Variants in VAMP7 observed in about 807,000 individuals in gnomAD.
VAMP7 encodes the protein vesicle associated membrane protein 7, also known as vesicle-associated membrane protein 7.
A neutral mutation model predicts 29.6 loss-of-function variants in VAMP7; 14 were observed. The ratio of observed to expected loss-of-function variants is 0.47; its 90% CI spans 0.31 to 0.74. VAMP7 has a LOEUF of 0.74. VAMP7 is among the 30% of genes least tolerant of loss of function. The pLI is 0.05. For missense variants in VAMP7, 223 were observed against 262.4 expected (o/e 0.85, Z 1.04); for synonymous variants, 95 against 88.1 (o/e 1.08, Z -0.44).
chrX:155,908,351 G>A (rs775737890), intron 5 of VAMP7, among the ~76,000 whole-genome samples: 81 of 152,334 alleles, frequency 5.3e-4, no homozygotes, highest in Non-Finnish European at 3.5e-4. Context: ...GCGGTTAGCA[G>A]CTGGAGACCA....
At chrX:155,893,451 T>C (rs2065949046) in intron 2 of VAMP7, among the ~76,000 whole-genome samples, 1 of 152,096 alleles carries the variant, frequency 6.6e-6, no homozygotes, top group African/African-American at 2.4e-5. Context: ...AAAACGTTAG[T>C]GTAGAGGGAA....
intron 3 of VAMP7, 50 bp downstream of exon 3, chrX:155,895,730 C>T (rs1342470982): frequency 7.9e-6 from 12 of 1,523,326 alleles, no homozygotes; most frequent in African/African-American, 1.4e-5. Context: ...ACTGTTAATA[C>T]AGCCAGTTCT....
chrX:155,906,479 A>G (rs1263434742), intron 5 of VAMP7, among the ~76,000 whole-genome samples: 2 of 152,158 alleles, frequency 1.3e-5, no homozygotes, highest in Non-Finnish European at 2.9e-5. Context: ...TAATCTCAAA[A>G]TCTGCCTTAC....
At chrX:155,920,454 ATG>A (rs1409588727) in intron 6 of VAMP7, among the ~76,000 whole-genome samples, 1 of 152,180 alleles carries the variant, frequency 6.6e-6, no homozygotes, top group Non-Finnish European at 1.5e-5. Flanking sequence ...TGACAGATAT[ATG>A]GTGAACAGAA....
chrX:155,939,182 A>G (rs1239729347), intron 6 of VAMP7, among the ~76,000 whole-genome samples: 2 of 152,146 alleles, frequency 1.3e-5, no homozygotes, highest in African/African-American at 2.4e-5. Flanking sequence ...CCTGGTGGGA[A>G]TTGTTCAGTA....
At position 155,901,367 on chromosome X, in the gene VAMP7, T is replaced by G. The variant is rs748827954; in HGVS notation, c.433+780T>G. Among the ~76,000 whole-genome samples the G allele has an allele frequency of 9.9e-5, 15 of 152,198 alleles. 1 individual carries two copies. In the East Asian group the frequency reaches 2.5e-3, roughly 25 times the overall value. ...TACTATTTATTTTTATTCTTTTTTT[T>G]GTCACCAAATGTATTTATTTTGCCC... On this transcript the variant is annotated intron_variant, in intron 5 of 7. Transcript: ENST00000286448.
intron 5 of VAMP7, among the ~76,000 whole-genome samples, chrX:155,918,512 C>T (rs146529059): frequency 0.025 from 3,733 of 152,198 alleles, 56 homozygotes; most frequent in Middle Eastern, 0.058. Context: ...GGCCAGAGTG[C>T]ACCATTCCTC....
At chrX:155,941,767 C>G in intron 7 of VAMP7, 116 bp from the exon 8 acceptor site, 4 of 1,198,102 alleles carry the variant, frequency 3.3e-6, no homozygotes, top group Non-Finnish European at 4.6e-6. Flanking sequence ...TACTACATAA[C>G]TGCTACTCTA....
Position 155,917,382 on chromosome X carries a change from G to A in VAMP7, c.434-2431G>A, listed in dbSNP as rs71194189. 0.013 allele frequency among the ~76,000 whole-genome samples: 1,931 copies of A among 152,104 alleles called. 87 individuals carry two copies. In the East Asian group the frequency reaches 0.17, roughly 14 times the overall value. On this transcript the variant is annotated intron_variant, in intron 5 of 7. Transcript: ENST00000286448. ...TGTCAATTTGTCAAACTCATTCTCC[G>A]TCCAGTTTGTTCTCTTGGAATTTTC...
chrX:155,895,277 A>G (rs2065972403), intron 2 of VAMP7, among the ~76,000 whole-genome samples: 1 of 152,330 alleles, frequency 6.6e-6, no homozygotes, highest in African/African-American at 2.4e-5. Context: ...AGAAAACCAT[A>G]TGGCCTATTG....
intron 6 of VAMP7, among the ~76,000 whole-genome samples, chrX:155,921,885 A>G (rs1461479173): frequency 1.3e-5 from 2 of 152,066 alleles, no homozygotes; most frequent in Admixed American, 6.6e-5. Flanking sequence ...CATTTAATAT[A>G]TAGGTCACTT....
intron 6 of VAMP7, among the ~76,000 whole-genome samples, chrX:155,927,206 A>T (rs1448868080): frequency 1.3e-5 from 2 of 151,882 alleles, no homozygotes; most frequent in Non-Finnish European, 2.9e-5. Flanking sequence ...AACATCACAC[A>T]CTGGGGCCTG....
At chrX:155,941,214 A>AT (rs1339002487) in intron 7 of VAMP7, among the ~76,000 whole-genome samples, 1 of 152,114 alleles carries the variant, frequency 6.6e-6, no homozygotes, top group Non-Finnish European at 1.5e-5. Context: ...TTTAAAATCT[A>AT]TTTTTTGTGA....
intron 5 of VAMP7, among the ~76,000 whole-genome samples, chrX:155,913,887 T>G (rs1455130701): frequency 6.6e-6 from 1 of 152,168 alleles, no homozygotes; most frequent in African/African-American, 2.4e-5. Context: ...AAATTTAAAG[T>G]AGTGTTTTTC....
At chrX:155,933,059 G>A (rs1207985256) in intron 6 of VAMP7, among the ~76,000 whole-genome samples, 1 of 152,146 alleles carries the variant, frequency 6.6e-6, no homozygotes, top group Non-Finnish European at 1.5e-5. Context: ...AAGCCCACTT[G>A]ATCATGGTAG....
chrX:155,910,069 C>T (rs976914926), intron 5 of VAMP7, among the ~76,000 whole-genome samples: 4 of 151,866 alleles, frequency 2.6e-5, no homozygotes, highest in African/African-American at 9.7e-5. Flanking sequence ...GTGTTTGTAC[C>T]TATTAACCAT....
At chrX:155,883,545 G>C (rs975310188) in intron 1 of VAMP7, among the ~76,000 whole-genome samples, 21 of 152,074 alleles carry the variant, frequency 1.4e-4, no homozygotes, top group African/African-American at 5.1e-4. Flanking sequence ...AGATCCTACT[G>C]CAATAATATA....
chrX:155,936,207 C>CAGGAG (rs2066652264), intron 6 of VAMP7, among the ~76,000 whole-genome samples: 1 of 152,196 alleles, frequency 6.6e-6, no homozygotes, highest in Admixed American at 6.5e-5. Flanking sequence ...CCTGGGAGAA[C>CAGGAG]CACTACTCTC....
intron 2 of VAMP7, among the ~76,000 whole-genome samples, chrX:155,893,088 C>T (rs2065944524): frequency 6.6e-6 from 1 of 152,124 alleles, no homozygotes; most frequent in African/African-American, 2.4e-5. Context: ...TTGTTTATTT[C>T]TGTACCCTGA....
Sources: allele counts gnomAD v4.1 joint callset (sites outside exome capture counted in the v4.1 genomes callset), GRCh38; gene constraint gnomAD v4.1.1; transcripts MANE v1.5; gene names NCBI Gene and HGNC (gene_info 2026-07-23, HGNC 2026-07-21).